Variants in BACH2 observed in about 807,000 individuals in gnomAD.
BACH2 encodes the protein transcription regulator protein BACH2.
BACH2 carries 5 observed loss-of-function variants against 61.8 expected under a neutral mutation model. The ratio of observed to expected loss-of-function variants is 0.08; its 90% CI spans 0.04 to 0.17. The LOEUF (loss-of-function observed/expected upper bound fraction) is 0.17, where lower values mean the gene tolerates loss of function less well. BACH2 is among the 10% of genes least tolerant of loss of function. The probability of loss-of-function intolerance (pLI) is 1.00; values close to 1 mark genes in which losing one functional copy is unlikely to be tolerated. For synonymous variants in BACH2, 446 were observed against 440.1 expected (o/e 1.01, Z -0.17); for missense variants, 824 against 1,091.1 (o/e 0.76, Z 3.45).
intron 5 of BACH2, among the ~76,000 whole-genome samples, chr6:90,034,237 C>A (rs796190060): frequency 6.6e-6 from 1 of 152,294 alleles, no homozygotes; most frequent in African/African-American, 2.4e-5. Context: ...TGATTACTTA[C>A]AATTGACCGT....
intron 1 of BACH2, among the ~76,000 whole-genome samples, chr6:90,287,428 G>T (rs1294819838): frequency 1.3e-5 from 2 of 151,792 alleles, no homozygotes; most frequent in Admixed American, 1.3e-4. Context: ...TAGAATTTCA[G>T]GTTCATTGCT....
chr6:90,243,759 T>C (rs1223071409), intron 3 of BACH2, among the ~76,000 whole-genome samples: 3 of 152,202 alleles, frequency 2.0e-5, no homozygotes, highest in Non-Finnish European at 4.4e-5. Context: ...AAATAGTTTT[T>C]TTCCTCATGA....
chr6:89,959,706 C>G (rs1774633436), intron 6 of BACH2, among the ~76,000 whole-genome samples: 1 of 152,138 alleles, frequency 6.6e-6, no homozygotes, highest in South Asian at 2.1e-4. Flanking sequence ...ATTTTGACTT[C>G]TATTATTTGA....
At chr6:90,020,845 A>G (rs965676500) in intron 5 of BACH2, among the ~76,000 whole-genome samples, 5 of 152,204 alleles carry the variant, frequency 3.3e-5, no homozygotes, top group Admixed American at 6.5e-5. Flanking sequence ...ATGGGATCTA[A>G]GAATGAAATG....
At chr6:90,268,040 GCT>G (rs1374795076) in intron 2 of BACH2, among the ~76,000 whole-genome samples, 1 of 128,068 alleles carries the variant, frequency 7.8e-6, no homozygotes, top group African/African-American at 3.0e-5. Context: ...ACAGGGTCTT[GCT>G]CTGTCGCCCA....
chr6:90,078,576 A>C (rs1385894040), intron 5 of BACH2, among the ~76,000 whole-genome samples: 1 of 152,180 alleles, frequency 6.6e-6, no homozygotes, highest in Non-Finnish European at 1.5e-5. Context: ...AGAACTCCCA[A>C]ATGCTCTCAA....
At chr6:90,292,731 T>C (rs1347529163) in intron 1 of BACH2, among the ~76,000 whole-genome samples, 1 of 152,220 alleles carries the variant, frequency 6.6e-6, no homozygotes, top group Non-Finnish European at 1.5e-5. Context: ...AAAAAGATGT[T>C]TCAGTCTGTT....
At chr6:90,040,663 C>T (rs759692671) in intron 5 of BACH2, among the ~76,000 whole-genome samples, 1 of 151,926 alleles carries the variant, frequency 6.6e-6, no homozygotes, top group African/African-American at 2.4e-5. Flanking sequence ...TTATTCACAT[C>T]TTTGTTTTTT....
At chr6:90,081,184 CAAATG>C (rs1195844860) in intron 5 of BACH2, among the ~76,000 whole-genome samples, 1 of 152,136 alleles carries the variant, frequency 6.6e-6, no homozygotes, top group Non-Finnish European at 1.5e-5. Flanking sequence ...ATTTATATGA[CAAATG>C]CTGGCTGTTC....
intron 5 of BACH2, among the ~76,000 whole-genome samples, chr6:90,018,647 T>A (rs1444274214): frequency 6.6e-6 from 1 of 152,220 alleles, no homozygotes; most frequent in African/African-American, 2.4e-5. Context: ...CTTATCACAA[T>A]GCAAACCACA....
chr6:90,169,262 CAG>C (rs1451206053), intron 4 of BACH2, among the ~76,000 whole-genome samples: 1 of 151,698 alleles, frequency 6.6e-6, no homozygotes, highest in East Asian at 1.9e-4. Context: ...ATGTATTTTT[CAG>C]AGTTCTTTAT....
intron 6 of BACH2, among the ~76,000 whole-genome samples, chr6:89,987,308 C>T (rs972134368): frequency 1.3e-5 from 2 of 152,186 alleles, no homozygotes; most frequent in South Asian, 2.1e-4. Context: ...CTGAACTACA[C>T]TGAAAGATGT....
At chr6:90,145,772 G>C (rs565548372) in intron 4 of BACH2, among the ~76,000 whole-genome samples, 1 of 152,316 alleles carries the variant, frequency 6.6e-6, no homozygotes, top group Admixed American at 6.5e-5. Flanking sequence ...CCACTACAAA[G>C]AGTAGGATAT....
intron 1 of BACH2, among the ~76,000 whole-genome samples, chr6:90,279,042 T>C (rs1771777431): frequency 6.6e-6 from 1 of 152,190 alleles, no homozygotes; most frequent in Non-Finnish European, 1.5e-5. Context: ...CTGGTGTATA[T>C]TGCACAGCAC....
chr6:90,245,494 C>A (rs1370427632), intron 3 of BACH2, among the ~76,000 whole-genome samples: 3 of 152,168 alleles, frequency 2.0e-5, no homozygotes, highest in Non-Finnish European at 4.4e-5. Context: ...ACTCCAGAGG[C>A]TGAGGTAGCC....
At chr6:90,050,974 GT>G (rs1336897086) in intron 5 of BACH2, among the ~76,000 whole-genome samples, 1 of 151,994 alleles carries the variant, frequency 6.6e-6, no homozygotes. Context: ...GTTTCACCAT[GT>G]TGGCCAGGCT....
At chr6:90,139,524 G>A (rs954095041) in intron 4 of BACH2, among the ~76,000 whole-genome samples, 1 of 152,118 alleles carries the variant, frequency 6.6e-6, no homozygotes, top group African/African-American at 2.4e-5. Flanking sequence ...AGGTTGCCAC[G>A]CCCCACTTAC....
chr6:90,049,087 A>G (rs1779919022), intron 5 of BACH2, among the ~76,000 whole-genome samples: 1 of 152,216 alleles, frequency 6.6e-6, no homozygotes, highest in South Asian at 2.1e-4. Context: ...CTGATGAGAA[A>G]TGATGAAAAA....
In BACH2 at chr6:90,254,833, AAAG is replaced by A. The variant is rs1770925426; in HGVS notation, c.-352-2246_-352-2244del. On this transcript the variant is annotated intron_variant, in intron 2 of 8. Transcript: ENST00000257749. ...TTACAAGTATTTTATGTACATCTTA[AAAG>A]CCTGAAGAAGTTATTGTAATGTTTC... 2.0e-5 allele frequency among the ~76,000 whole-genome samples: 3 copies of A among 152,144 alleles called. No individual in the cohort carries two copies. In the South Asian group the frequency reaches 6.2e-4, roughly 32 times the overall value.
Sources: gnomAD v4.1 joint callset for allele counts (sites outside exome capture counted in the v4.1 genomes callset) on GRCh38, gnomAD v4.1.1 for gene constraint, MANE v1.5 for transcripts, NCBI Gene and HGNC (gene_info 2026-07-23, HGNC 2026-07-21) for gene names.